The following EEA1 variants were observed in gnomAD, a reference collection of about 807,000 sequenced individuals.
EEA1 encodes early endosome antigen 1.
Under a neutral mutation model 209.2 loss-of-function variants are expected in EEA1, and 111 were observed. The observed-to-expected ratio is 0.53, with a 90% CI of 0.45 to 0.62. The LOEUF (loss-of-function observed/expected upper bound fraction) is 0.62, where lower values mean the gene tolerates loss of function less well. Among genes scored for constraint, EEA1 ranks in the 20% least tolerant of loss-of-function variants. The probability of loss-of-function intolerance (pLI) is 0.00; values close to 1 mark genes in which losing one functional copy is unlikely to be tolerated. For missense variants in EEA1, 1,343 were observed against 1,530.8 expected (o/e 0.88, Z 2.05); for synonymous variants, 536 against 540.6 (o/e 0.99, Z 0.12).
chr12:92,898,956 A>C (rs1351429274), intron 1 of EEA1, among the ~76,000 whole-genome samples: 1 of 75,538 alleles, frequency 1.3e-5, no homozygotes, highest in African/African-American at 5.1e-5. Flanking sequence ...TCATGAGTGA[A>C]AAAAAAAAAA....
intron 3 of EEA1, chr12:92,858,448 T>G: frequency 8.2e-7 from 1 of 1,214,180 alleles, no homozygotes; most frequent in Non-Finnish European, 1.2e-6. Context: ...GGTGTTCATC[T>G]TGACAGAAAT....
In EEA1 at chr12:92,832,753, G is replaced by A. The variant is rs749123198; in HGVS notation, c.1013C>T (p.Thr338Ile). Residue 338 changes from threonine to isoleucine, a missense_variant, in exon 11 of 29, where the codon ACC becomes ATC. Transcript: ENST00000322349. Reference sequence around the variant, plus strand: ...ACAATCTAGGTCTTTTTGATGAAGGGTTGCCTGAATATTCTTTTTACTCAC... The same window carrying A: ...ACAATCTAGGTCTTTTTGATGAAGGATTGCCTGAATATTCTTTTTACTCAC... ...ESVSKKNIQATLHQKDLDCQQ... is the reference protein window; with the variant it reads ...ESVSKKNIQAILHQKDLDCQQ... 1.2e-6 allele frequency: 2 copies of A among 1,613,868 alleles called. No homozygotes were observed. The highest frequency in any genetic ancestry group is 8.5e-7 in the Non-Finnish European group (1 of 1,179,926).
intron 2 of EEA1, among the ~76,000 whole-genome samples, chr12:92,878,256 T>G (rs1454311403): frequency 6.6e-6 from 1 of 151,998 alleles, no homozygotes; most frequent in Non-Finnish European, 1.5e-5. Flanking sequence ...AAAAATTAAA[T>G]TTCCATACAG....
At chr12:92,878,354 A>C (rs1170900332) in intron 2 of EEA1, among the ~76,000 whole-genome samples, 1 of 152,220 alleles carries the variant, frequency 6.6e-6, no homozygotes, top group East Asian at 1.9e-4. Flanking sequence ...AATAGGACTT[A>C]TCATGTACTG....
chr12:92,801,507 C>G, intron 20 of EEA1, 93 bp downstream of exon 20: 1 of 750,682 alleles, frequency 1.3e-6, no homozygotes, highest in South Asian at 2.6e-5. Context: ...TGTGGAAATG[C>G]CCCCAAGAAC....
In EEA1 at chr12:92,832,606, T is replaced by C; in HGVS notation, c.1160A>G (p.Lys387Arg). 3 of 1,614,074 alleles carry C rather than the reference T, an allele frequency of 1.9e-6. No individual in the cohort carries two copies. The highest frequency in any genetic ancestry group is 2.5e-6 in the Non-Finnish European group (3 of 1,179,988). ...LKEELSEVET[K>R]YQHLKAEFKQ... ...AAACTCCGCCTTTAGATGCTGGTACTTGGTCTCTACCTCAGATAATTCTTC... is the reference window on the plus strand; with the variant it reads ...AAACTCCGCCTTTAGATGCTGGTACCTGGTCTCTACCTCAGATAATTCTTC... The change falls in exon 11 of 29, where the codon AAG becomes AGG. Residue 387 changes from lysine to arginine, a missense_variant. Physicochemically the swap from Lys to Arg is conservative, Grantham distance 26. This residue lies in a region of EEA1 where 1,307 missense variants were observed against 1,465.5 expected (regional missense o/e 0.89). Coordinates refer to ENST00000322349, the MANE Select transcript of EEA1 (RefSeq NM_003566.4).
chr12:92,899,611 A>G (rs962380726), intron 1 of EEA1, among the ~76,000 whole-genome samples: 8 of 152,200 alleles, frequency 5.3e-5, no homozygotes, highest in African/African-American at 1.7e-4. Flanking sequence ...TGACACTGTA[A>G]TCTGTCCTCA....
intron 14 of EEA1, among the ~76,000 whole-genome samples, chr12:92,818,311 G>T (rs1875888561): frequency 6.6e-6 from 1 of 152,096 alleles, no homozygotes; most frequent in African/African-American, 2.4e-5. Flanking sequence ...AGTTAGTGTG[G>T]TCAAAGAGTT....
Position 92,909,696 on chromosome 12 carries a change from G to C in EEA1, c.25-17975C>G, listed in dbSNP as rs115280505. ...TTGCCATTATTGTGAACATGGATCA[G>C]TTATCATGGGAATGGCTTTGTTATA... On this transcript the variant is annotated intron_variant, in intron 1 of 28. Transcript: ENST00000322349. Among the ~76,000 whole-genome samples the C allele has an allele frequency of 8.0e-3, 1,212 of 152,350 alleles. 24 individuals carry two copies. The highest frequency in any genetic ancestry group is 0.027 in the African/African-American group (1,115 of 41,574).
intron 2 of EEA1, among the ~76,000 whole-genome samples, chr12:92,865,373 G>T (rs1476881443): frequency 2.0e-5 from 3 of 148,694 alleles, no homozygotes; most frequent in Admixed American, 6.7e-5. Flanking sequence ...TCATAGGAAT[G>T]CTATGAAAAA....
intron 9 of EEA1, among the ~76,000 whole-genome samples, chr12:92,845,355 A>C (rs1877346595): frequency 6.6e-6 from 1 of 152,200 alleles, no homozygotes; most frequent in African/African-American, 2.4e-5. Flanking sequence ...CAATAATCAC[A>C]TATTATGTTT....
intron 1 of EEA1, chr12:92,905,472 G>C (rs1040274729): frequency 1.3e-5 from 2 of 152,018 alleles, no homozygotes; most frequent in African/African-American, 4.8e-5. Flanking sequence ...AAAGCTGAGC[G>C]TGGTGGCACA....
intron 2 of EEA1, among the ~76,000 whole-genome samples, chr12:92,888,408 T>A (rs564243129): frequency 2.0e-5 from 3 of 152,022 alleles, no homozygotes; most frequent in Admixed American, 2.0e-4. Flanking sequence ...AAACCCCATC[T>A]CTACTAAAAA....
chr12:92,856,769 T>A (rs926846016), intron 5 of EEA1, among the ~76,000 whole-genome samples: 25 of 137,966 alleles, frequency 1.8e-4, no homozygotes, highest in African/African-American at 6.6e-4. Flanking sequence ...ACCTGATTCT[T>A]TTTTTTTTTT....
At chr12:92,868,505 G>C (rs1340202199) in intron 2 of EEA1, among the ~76,000 whole-genome samples, 1 of 152,156 alleles carries the variant, frequency 6.6e-6, no homozygotes, top group African/African-American at 2.4e-5. Flanking sequence ...CCACTTTCAG[G>C]TTTGGGCTCC....
chr12:92,926,124 G>A (rs907527061), intron 1 of EEA1, among the ~76,000 whole-genome samples: 2 of 151,758 alleles, frequency 1.3e-5, no homozygotes, highest in African/African-American at 4.8e-5. Flanking sequence ...CTCCTGAGTC[G>A]CTGGGATTAT....
intron 13 of EEA1, among the ~76,000 whole-genome samples, chr12:92,825,942 T>A (rs186009674): frequency 5.3e-5 from 8 of 151,018 alleles, no homozygotes; most frequent in African/African-American, 1.7e-4. Flanking sequence ...TTTTACATTA[T>A]GTTGGAAAAA....
At chr12:92,852,433 A>T in intron 7 of EEA1, 137 bp from the exon 8 acceptor site, 1 of 501,386 alleles carries the variant, frequency 2.0e-6, no homozygotes. Context: ...TATACAGTAA[A>T]TTTATACTTC....
At chr12:92,811,922 T>C (rs544085161) in intron 16 of EEA1, among the ~76,000 whole-genome samples, 5 of 152,196 alleles carry the variant, frequency 3.3e-5, no homozygotes, top group South Asian at 4.1e-4. Flanking sequence ...GTAGGACACA[T>C]ACCAAATTTA....
Sources: allele counts gnomAD v4.1 joint callset (sites outside exome capture counted in the v4.1 genomes callset), GRCh38; gene constraint gnomAD v4.1.1; regional missense constraint gnomAD v4.1.1; transcripts MANE v1.5; gene names NCBI Gene and HGNC (gene_info 2026-07-23, HGNC 2026-07-21).